GNL2: variants seen among roughly 807,000 people sequenced by gnomAD.
GNL2 encodes the protein G protein nucleolar 2.
In GNL2, 51 loss-of-function variants were observed where a neutral mutation model predicts 92.3. That is an observed-to-expected ratio of 0.55 (90% CI 0.44 to 0.70). GNL2 has a LOEUF of 0.70. Ranked by LOEUF, GNL2 falls within the 30% of genes least tolerant of loss-of-function variation. The pLI is 0.00. For synonymous variants in GNL2, 283 were observed against 300.6 expected (o/e 0.94, Z 0.61); for missense variants, 844 against 895.6 (o/e 0.94, Z 0.74).
Position 37,589,088 on chromosome 1 carries a change from G to C in GNL2, c.385-1593C>G, listed in dbSNP as rs950278235. 2.0e-5 allele frequency among the ~76,000 whole-genome samples: 3 copies of C among 152,184 alleles called. No homozygotes were observed. The East Asian group carries it at 5.8e-4, about 29-fold the overall frequency. ...AATAGTTGCTTAAAAGATGGCTTTA[G>C]GGAGAACAGACAAAGAGAACAAGGG... On this transcript the variant is annotated intron_variant, in intron 4 of 15. Coordinates refer to ENST00000373062, the MANE Select transcript of GNL2 (RefSeq NM_013285.3).
chr1:37,588,296 C>G (rs1643868612), intron 4 of GNL2, among the ~76,000 whole-genome samples: 2 of 151,946 alleles, frequency 1.3e-5, no homozygotes, highest in South Asian at 4.1e-4. Context: ...AAAAATCACC[C>G]TTTTCCCCCT....
At position 37,575,471 on chromosome 1, in the gene GNL2, A is replaced by G. The variant is rs114114251; in HGVS notation, c.1143+124T>C. ...GGCTGCTGTTCAGCATCATGTTCCTAAAGTTTGGTCAGACAGGCTGACCCC... is the reference window on the plus strand; with the variant it reads ...GGCTGCTGTTCAGCATCATGTTCCTGAAGTTTGGTCAGACAGGCTGACCCC... On this transcript the variant is annotated intron_variant, in intron 10 of 15. Coordinates refer to ENST00000373062, the MANE Select transcript of GNL2 (RefSeq NM_013285.3). This position sits in a 1 kb window ranked among gnomAD's most constrained non-coding sequence, Gnocchi z 4.1. 42 of 569,206 alleles carry G rather than the reference A, an allele frequency of 7.4e-5. No individual in the cohort carries two copies. The highest frequency in any genetic ancestry group is 1.2e-4 in the Non-Finnish European group (38 of 318,356). 35.3% of individuals were successfully genotyped at this position (569,206 alleles called of 1,614,324 possible).
intron 8 of GNL2, among the ~76,000 whole-genome samples, chr1:37,581,863 C>T (rs562056552): frequency 2.0e-5 from 3 of 152,302 alleles, no homozygotes; most frequent in Non-Finnish European, 2.9e-5. Flanking sequence ...CGGGGTTTCA[C>T]CATATTGGCC....
intron 4 of GNL2, among the ~76,000 whole-genome samples, chr1:37,590,394 A>G (rs2148143910): frequency 6.6e-6 from 1 of 152,352 alleles, no homozygotes; most frequent in African/African-American, 2.4e-5. Flanking sequence ...GGCGTGAGCC[A>G]CTGTGTCCGA....
In GNL2 at chr1:37,582,407, C is replaced by T. The variant is rs988779999; in HGVS notation, c.796-71G>A. 7 of 870,394 alleles carry T rather than the reference C, an allele frequency of 8.0e-6. No homozygotes were observed. In the African/African-American group the frequency reaches 8.5e-5, roughly 11 times the overall value. 53.9% of individuals were successfully genotyped at this position (870,394 alleles called of 1,614,324 possible). On this transcript the variant is annotated intron_variant, in intron 7 of 15. Coordinates refer to ENST00000373062, the MANE Select transcript of GNL2 (RefSeq NM_013285.3). ...TTTACATTATGTGGAAGAATCAGAG[C>T]TTGAATTACAGAACTGTTTCAAATA...
At chr1:37,584,879 A>C (rs1643827825) in intron 5 of GNL2, among the ~76,000 whole-genome samples, 1 of 151,840 alleles carries the variant, frequency 6.6e-6, no homozygotes, top group South Asian at 2.1e-4. Flanking sequence ...CAGGAGTTCG[A>C]GACCAGCCTG....
At position 37,595,737 on chromosome 1, in the gene GNL2, C is replaced by T. The variant is rs780119304; in HGVS notation, c.64+22G>A. 7.5e-6 allele frequency: 12 copies of T among 1,610,494 alleles called. No homozygotes were observed. The South Asian group carries it at 9.9e-5, about 13-fold the overall frequency. On this transcript the variant is annotated intron_variant, in intron 1 of 15. Transcript: ENST00000373062. ...CTATACTTCCTCCAAGCTCCACCCT[C>T]GATCAGCCCTGCCGCCTGTACCTGG...
Position 37,573,436 on chromosome 1 carries a change from C to T in GNL2, c.1416+907G>A, listed in dbSNP as rs115715445. 4.4e-3 allele frequency among the ~76,000 whole-genome samples: 665 copies of T among 152,332 alleles called. 2 individuals are homozygous for T. The highest frequency in any genetic ancestry group is 0.015 in the African/African-American group (643 of 41,580). On this transcript the variant is annotated intron_variant, in intron 12 of 15. Coordinates refer to ENST00000373062, the MANE Select transcript of GNL2 (RefSeq NM_013285.3). ...AAAACGTTAACGTTGAGCCTTGTGG[C>T]GGCCCACTGCCAGGGTGAGGGAAAT...
At chr1:37,577,357 G>A (rs1347102713) in intron 8 of GNL2, among the ~76,000 whole-genome samples, 1 of 152,146 alleles carries the variant, frequency 6.6e-6, no homozygotes, top group Non-Finnish European at 1.5e-5. Flanking sequence ...AAAAGGCAGA[G>A]CTTGCTATCA....
At chr1:37,593,464 A>G (rs1643900445) in intron 2 of GNL2, 1 of 307,420 alleles carries the variant, frequency 3.3e-6, no homozygotes, top group Non-Finnish European at 6.0e-6. Flanking sequence ...AGGTTTTGTT[A>G]TATCTGGCCA....
chr1:37,574,359 G>A lies in GNL2; in HGVS notation c.1400C>T (p.Pro467Leu). 1 of 1,613,584 alleles carries A rather than the reference G, an allele frequency of 6.2e-7. No homozygotes were observed. Among genetic ancestry groups the A allele is most frequent in the African/African-American group, 1.3e-5 (1 of 75,042 alleles). ...PFFVKPPNAE[P>L]LVAPQLLPSS... is the part of the protein sequence containing the mutation. ...TGCTCTTACCTGGGGGGCCACAAGT[G>A]GCTCTGCATTGGGTGGCTTGACAAA... The change falls in exon 12 of 16, where the codon CCA becomes CTA. Residue 467 changes from proline (P) to leucine (L), a missense_variant. By Grantham distance (98) the Pro-to-Leu change is moderately conservative. Transcript: ENST00000373062.
chr1:37,579,933 C>T (rs998908226), intron 8 of GNL2, among the ~76,000 whole-genome samples: 2 of 138,276 alleles, frequency 1.4e-5, no homozygotes, highest in East Asian at 2.1e-4. Flanking sequence ...AAATATAAAT[C>T]AAGAATTAAA....
intron 4 of GNL2, among the ~76,000 whole-genome samples, chr1:37,587,755 T>C (rs1643865562): frequency 6.6e-6 from 1 of 152,204 alleles, no homozygotes; most frequent in African/African-American, 2.4e-5. Flanking sequence ...AAAGTAAATA[T>C]GAATAGTTGT....
At chr1:37,576,339 A>C (rs1400221174) in intron 9 of GNL2, 89 bp downstream of exon 9, 1 of 1,171,574 alleles carries the variant, frequency 8.5e-7, no homozygotes, top group African/African-American at 1.5e-5. Flanking sequence ...TGCATTCAAG[A>C]GAAGCAGAGA....
intron 8 of GNL2, among the ~76,000 whole-genome samples, chr1:37,581,805 C>G (rs987548906): frequency 2.6e-5 from 4 of 152,158 alleles, no homozygotes; most frequent in African/African-American, 9.7e-5. Flanking sequence ...GCTGGGACTA[C>G]AGGCGTGTGC....
At chr1:37,568,007 C>G (rs1190175547) in intron 14 of GNL2, 13 of 591,000 alleles carry the variant, frequency 2.2e-5, no homozygotes, top group Admixed American at 3.0e-5. Flanking sequence ...ACACACCCCC[C>G]TCTTTGTCTG....
intron 12 of GNL2, among the ~76,000 whole-genome samples, chr1:37,571,803 G>A (rs1319293054): frequency 1.3e-5 from 2 of 152,064 alleles, no homozygotes; most frequent in Non-Finnish European, 2.9e-5. Flanking sequence ...GACTACATAC[G>A]GAGGAAGGGC....
chr1:37,583,537 G>A (rs1259027937), intron 6 of GNL2, among the ~76,000 whole-genome samples: 1 of 152,148 alleles, frequency 6.6e-6, no homozygotes, highest in African/African-American at 2.4e-5. Flanking sequence ...AAAAGGAGAG[G>A]GGTGGACTAA....
chr1:37,595,472 G>C (rs1643915772), intron 1 of GNL2, among the ~76,000 whole-genome samples: 1 of 152,214 alleles, frequency 6.6e-6, no homozygotes, highest in African/African-American at 2.4e-5. Context: ...CTCTCAACTG[G>C]AGAGGACCCA....
Sources: allele counts gnomAD v4.1 joint callset (sites outside exome capture counted in the v4.1 genomes callset), GRCh38; gene constraint gnomAD v4.1.1; non-coding constraint Gnocchi (gnomAD v3.1); transcripts MANE v1.5; gene names NCBI Gene and HGNC (gene_info 2026-07-23, HGNC 2026-07-21).